Variants in NFKBIZ observed in about 807,000 individuals in gnomAD.
NFKBIZ encodes the protein NF-kappa-B inhibitor zeta.
NFKBIZ carries 19 observed loss-of-function variants against 76.8 expected under a neutral mutation model. The observed-to-expected ratio is 0.25, with a 90% CI of 0.17 to 0.36. The LOEUF is 0.36. NFKBIZ is among the 10% of genes least tolerant of loss of function. The pLI is 1.00. For missense variants in NFKBIZ, 829 were observed against 910.9 expected (o/e 0.91, Z 1.16); for synonymous variants, 368 against 354.8 (o/e 1.04, Z -0.42).
At chr3:101,852,516 CT>C (rs536371035) in intron 2 of NFKBIZ, among the ~76,000 whole-genome samples, 70 of 152,258 alleles carry the variant, frequency 4.6e-4, no homozygotes, top group Non-Finnish European at 6.9e-4. Flanking sequence ...ATCAAATGGT[CT>C]TATTAATTTC....
rs1943110595 is a variant in NFKBIZ at position 101,860,048 on chromosome 3, A to C, written c.*677A>C. On this transcript the variant is annotated 3_prime_UTR_variant, in exon 12 of 12. Transcript: ENST00000326172. ...ACTAAGGAGTTTTTATTGTGTAATC[A>C]CTAAGTCTTTGTAGATAAAGCAGAT... The C allele has an allele frequency of 6.6e-6, 1 of 152,250 alleles. No homozygotes were observed. Among genetic ancestry groups the C allele is most frequent in the South Asian group, 2.1e-4 (1 of 4,838 alleles). 9.4% of individuals were successfully genotyped at this position (152,250 alleles called of 1,614,324 possible).
upstream of NFKBIZ, among the ~76,000 whole-genome samples, chr3:101,847,639 A>G (rs1942871434): frequency 6.6e-6 from 1 of 152,204 alleles, no homozygotes; most frequent in African/African-American, 2.4e-5. Context: ...ACTGTAGGCA[A>G]CTGTAACACA....
At chr3:101,835,439 T>C (rs1247624182) in intron 2 of NFKBIZ, among the ~76,000 whole-genome samples, 1 of 152,196 alleles carries the variant, frequency 6.6e-6, no homozygotes, top group Non-Finnish European at 1.5e-5. Context: ...CGTAACACAA[T>C]ACCACAGGCT....
intron 2 of NFKBIZ, among the ~76,000 whole-genome samples, chr3:101,840,293 G>A (rs1942771736): frequency 6.6e-6 from 1 of 151,996 alleles, no homozygotes; most frequent in Non-Finnish European, 1.5e-5. Flanking sequence ...GTCTATAGTG[G>A]GTAAAGTTCA....
chr3:101,835,880 T>C (rs1185753092), intron 2 of NFKBIZ, among the ~76,000 whole-genome samples: 3 of 152,166 alleles, frequency 2.0e-5, no homozygotes, highest in African/African-American at 4.8e-5. Context: ...TAAGGTCCAA[T>C]TGTGGTTCAG....
intron 2 of NFKBIZ, among the ~76,000 whole-genome samples, chr3:101,839,649 A>G (rs1261987029): frequency 2.0e-5 from 3 of 152,226 alleles, no homozygotes; most frequent in African/African-American, 7.2e-5. Flanking sequence ...TTGCAGATCC[A>G]TGTAGGCCAA....
At chr3:101,851,064 TTAAAAA>T (rs1560087206) in intron 1 of NFKBIZ, among the ~76,000 whole-genome samples, 1 of 152,250 alleles carries the variant, frequency 6.6e-6, no homozygotes, top group Non-Finnish European at 1.5e-5. Flanking sequence ...ATCCCTAAAC[TTAAAAA>T]TAAAGCCAAC....
chr3:101,858,631 A>G (rs1012806749), intron 11 of NFKBIZ, among the ~76,000 whole-genome samples: 1 of 152,288 alleles, frequency 6.6e-6, no homozygotes, highest in African/African-American at 2.4e-5. Flanking sequence ...TTTTATTGTC[A>G]TACTGTGGTC....
intron 2 of NFKBIZ, among the ~76,000 whole-genome samples, chr3:101,831,885 C>A (rs1439368433): frequency 6.6e-6 from 1 of 152,144 alleles, no homozygotes; most frequent in Non-Finnish European, 1.5e-5. Context: ...AGTGATCCAT[C>A]TGCCTCAGCC....
chr3:101,833,436 G>A (rs987099576), intron 2 of NFKBIZ, among the ~76,000 whole-genome samples: 5 of 151,926 alleles, frequency 3.3e-5, no homozygotes, highest in African/African-American at 1.2e-4. Context: ...AACCCAGGGT[G>A]GAAAAAAAAT....
At position 101,853,342 on chromosome 3, in the gene NFKBIZ, C is replaced by T. The variant is rs753237372; in HGVS notation, c.816C>T (p.Phe272=). The change falls in exon 5 of 12, where the codon TTC becomes TTT. Residue 272 remains phenylalanine, a synonymous_variant. Coordinates refer to ENST00000326172, the MANE Select transcript of NFKBIZ (RefSeq NM_031419.4). The part of the protein sequence containing the change: ...VFSPPQKCQP[F]QVRGSQQMID... ...CTCCACCTCAGAAATGCCAACCATT[C>T]CAAGTCAGGGGCTCCCAACAAATGA... The T allele has an allele frequency of 1.9e-6, 3 of 1,614,044 alleles. No homozygotes were observed. In the Admixed American group the frequency reaches 5.0e-5, roughly 27 times the overall value.
intron 9 of NFKBIZ, among the ~76,000 whole-genome samples, chr3:101,856,309 C>T (rs565962914): frequency 2.0e-5 from 3 of 152,182 alleles, no homozygotes; most frequent in South Asian, 2.1e-4. Context: ...CTCGGCCTCC[C>T]GAAGTGCTGG....
chr3:101,855,633 A>G (rs1217761709), intron 8 of NFKBIZ, 100 bp from the exon 9 acceptor site: 2 of 1,349,758 alleles, frequency 1.5e-6, no homozygotes, highest in East Asian at 4.6e-5. Flanking sequence ...GAGCCCATTT[A>G]TAGGTTAAGT....
intron 5 of NFKBIZ, 46 bp downstream of exon 5, chr3:101,853,909 T>C: frequency 1.3e-6 from 2 of 1,559,292 alleles, no homozygotes; most frequent in Non-Finnish European, 1.8e-6. Flanking sequence ...AAGCCACACT[T>C]GTTGGACTAG....
upstream of NFKBIZ, among the ~76,000 whole-genome samples, chr3:101,845,223 G>A (rs1942832744): frequency 6.6e-6 from 1 of 151,086 alleles, no homozygotes; most frequent in African/African-American, 2.4e-5. Flanking sequence ...ATCCAAGATC[G>A]TGCCACTGCA....
intron 6 of NFKBIZ, 29 bp downstream of exon 6, chr3:101,854,712 CAA>C (rs778492552): frequency 3.8e-5 from 56 of 1,491,438 alleles, no homozygotes; most frequent in Non-Finnish European, 5.0e-5. Context: ...TCTGAAATGG[CAA>C]AGAGGGGGTC....
chr3:101,858,817 G>A (rs566957993), intron 11 of NFKBIZ, among the ~76,000 whole-genome samples: 28 of 152,308 alleles, frequency 1.8e-4, no homozygotes, highest in African/African-American at 6.5e-4. Flanking sequence ...ATGAAGTTAC[G>A]TGTAGATGCT....
Position 101,849,530 on chromosome 3 carries a change from T to TCCGC in NFKBIZ, c.-93_-90dup. On this transcript the variant is annotated 5_prime_UTR_variant, in exon 1 of 12. Coordinates refer to ENST00000326172, the MANE Select transcript of NFKBIZ (RefSeq NM_031419.4). ...GCCGCGCCCGTACTGGCCCGCGCCG[T>TCCGC]CCGCCCGCCGACAGCTCCCTGAGCC... 1 of 1,090,820 alleles carries TCCGC rather than the reference T, an allele frequency of 9.2e-7. No individual in the cohort carries two copies. Among genetic ancestry groups the TCCGC allele is most frequent in the African/African-American group, 1.7e-5 (1 of 59,390 alleles). 67.6% of individuals were successfully genotyped at this position (1,090,820 alleles called of 1,614,324 possible).
rs1428781898 is a variant in NFKBIZ, at chr3:101,849,788, G to T, written c.160G>T (p.Val54Phe). Residue 54 changes from valine to phenylalanine, a missense_variant, in exon 1 of 12, where the codon GTC becomes TTC. Coordinates refer to ENST00000326172, the MANE Select transcript of NFKBIZ (RefSeq NM_031419.4). ...GGGCGCCTGCGACGCCAGCTGCTCG[G>T]TCTTGGGCCCCTCGGCGCCCGGCTC... ...APGACDASCS[V>F]LGPSAPGSPG... 2.0e-6 allele frequency: 3 copies of T among 1,470,420 alleles called. No homozygotes were observed. Among genetic ancestry groups the T allele is most frequent in the Non-Finnish European group, 2.7e-6 (3 of 1,118,370 alleles). The allele number at this position is 1,470,420 out of a possible 1,614,324, so 91.1% of individuals were successfully genotyped here. A position where few individuals can be genotyped will look rare whatever the true frequency, so the allele number is the denominator to read the frequency against.
Sources: allele counts gnomAD v4.1 joint callset (sites outside exome capture counted in the v4.1 genomes callset), GRCh38; gene constraint gnomAD v4.1.1; transcripts MANE v1.5; gene names NCBI Gene and HGNC (gene_info 2026-07-23, HGNC 2026-07-21).